SDK1: variants seen among roughly 807,000 people sequenced by gnomAD.
SDK1 encodes sidekick cell adhesion molecule 1, also known as protein sidekick-1.
A neutral mutation model predicts 245.5 loss-of-function variants in SDK1; 157 were observed. The observed-to-expected ratio is 0.64, with a 90% CI of 0.56 to 0.73. The LOEUF is 0.73. Ranked by LOEUF, SDK1 falls within the 30% of genes least tolerant of loss-of-function variation. SDK1 has a pLI of 0.00. For missense variants in SDK1, 3,583 were observed against 3,002.3 expected (o/e 1.19, Z -4.52); for synonymous variants, 1,647 against 1,278.5 (o/e 1.29, Z -6.15).
chr7:3,733,153 G>GGAT (rs1779227654), intron 4 of SDK1, among the ~76,000 whole-genome samples: 1 of 152,132 alleles, frequency 6.6e-6, no homozygotes, highest in Non-Finnish European at 1.5e-5. Flanking sequence ...AGGTAACTAT[G>GGAT]GATGGCTCCC....
intron 14 of SDK1, among the ~76,000 whole-genome samples, chr7:3,994,596 C>T (rs529206853): frequency 8.7e-5 from 13 of 149,368 alleles, no homozygotes; most frequent in South Asian, 8.5e-4. Flanking sequence ...GAGCCGCGAT[C>T]GCACCAAGGC....
intron 1 of SDK1, among the ~76,000 whole-genome samples, chr7:3,589,355 C>T (rs966315363): frequency 5.3e-5 from 8 of 152,200 alleles, no homozygotes; most frequent in African/African-American, 9.6e-5. Context: ...GACATCAGTA[C>T]TTATTTCACA....
At chr7:3,319,678 T>C (rs1779745605) in intron 1 of SDK1, among the ~76,000 whole-genome samples, 1 of 152,156 alleles carries the variant, frequency 6.6e-6, no homozygotes, top group South Asian at 2.1e-4. Context: ...TGTCTAGTGA[T>C]GGCCTGCATG....
At chr7:3,983,739 G>T (rs973113588) in intron 13 of SDK1, among the ~76,000 whole-genome samples, 1 of 152,106 alleles carries the variant, frequency 6.6e-6, no homozygotes, top group African/African-American at 2.4e-5. Flanking sequence ...ATTATCAAGG[G>T]GATTTTCACA....
At chr7:3,566,083 T>C (rs1381516079) in intron 1 of SDK1, among the ~76,000 whole-genome samples, 1 of 152,138 alleles carries the variant, frequency 6.6e-6, no homozygotes, top group African/African-American at 2.4e-5. Context: ...AAAATGCTAA[T>C]AAAAGACCAA....
At chr7:3,386,971 C>G (rs1172680436) in intron 1 of SDK1, among the ~76,000 whole-genome samples, 4 of 152,160 alleles carry the variant, frequency 2.6e-5, no homozygotes, top group African/African-American at 9.7e-5. Context: ...TTCAGGCATT[C>G]TAACTTTAGA....
rs987840425 is a variant in SDK1, at chr7:4,042,786, C to A, written c.2603-6562C>A. The stretch of plus-strand genomic sequence containing the variant: ...GTTATGTAACCCTCAATAATTAAGA[C>A]CTTTCCAGCCATAACCACTCTTTTA... On this transcript the variant is annotated intron_variant, in intron 17 of 44. Coordinates refer to ENST00000404826, the MANE Select transcript of SDK1 (RefSeq NM_152744.4). Among the ~76,000 whole-genome samples, 4 of 152,204 alleles carry A rather than the reference C, an allele frequency of 2.6e-5. No individual in the cohort carries two copies. The South Asian group carries it at 6.2e-4, about 24-fold the overall frequency.
chr7:3,362,991 A>G (rs540121187), intron 1 of SDK1, among the ~76,000 whole-genome samples: 22 of 152,262 alleles, frequency 1.4e-4, no homozygotes, highest in Non-Finnish European at 3.2e-4. Flanking sequence ...TGCCCCCTTC[A>G]TCAGTTTCCC....
In SDK1 at chr7:4,180,350, A is replaced by G. The variant is rs368588530; in HGVS notation, c.5098+1764A>G. Among the ~76,000 whole-genome samples the G allele has an allele frequency of 5.7e-3, 625 of 108,744 alleles. 12 individuals carry two copies. The highest frequency in any genetic ancestry group is 0.022 in the African/African-American group (554 of 25,108). The allele number at this position is 108,744 out of a possible 152,430, so 71.3% of individuals were successfully genotyped here. On this transcript the variant is annotated intron_variant, in intron 35 of 44. Coordinates refer to ENST00000404826, the MANE Select transcript of SDK1 (RefSeq NM_152744.4). ...GCCCGGCTCCAGCTCTATGCCCAGC[A>G]CCCGGCTCCAGCTCTATGCCCAGCG...
rs748223398 is a variant in SDK1 at position 3,619,259 on chromosome 7, A to G, written c.458+20A>G. The G allele has an allele frequency of 3.8e-6, 6 of 1,588,788 alleles. No individual in the cohort carries two copies. The highest frequency in any genetic ancestry group is 5.2e-6 in the Non-Finnish European group (6 of 1,158,756). On this transcript the variant is annotated intron_variant, in intron 2 of 44. Transcript: ENST00000404826. ...ATATAAGTAATTGATCGCTTGAAAA[A>G]ATAAGATCCCATTTCAGTTGATGTG...
At chr7:3,454,029 C>T (rs1369766929) in intron 1 of SDK1, among the ~76,000 whole-genome samples, 1 of 152,082 alleles carries the variant, frequency 6.6e-6, no homozygotes, top group Non-Finnish European at 1.5e-5. Context: ...GATTTTTAAA[C>T]ATTGAGAACT....
At chr7:3,748,069 A>G (rs1005708902) in intron 4 of SDK1, among the ~76,000 whole-genome samples, 6 of 152,220 alleles carry the variant, frequency 3.9e-5, no homozygotes, top group Admixed American at 1.3e-4. Context: ...AGTATGTATC[A>G]TGATCATTAT....
At chr7:3,544,779 T>G (rs1779164811) in intron 1 of SDK1, among the ~76,000 whole-genome samples, 1 of 152,176 alleles carries the variant, frequency 6.6e-6, no homozygotes, top group Non-Finnish European at 1.5e-5. Flanking sequence ...TCTCAGTGGC[T>G]TAAAGCAAGT....
At chr7:3,365,673 A>G (rs1395952090) in intron 1 of SDK1, among the ~76,000 whole-genome samples, 1 of 152,200 alleles carries the variant, frequency 6.6e-6, no homozygotes, top group East Asian at 1.9e-4. Flanking sequence ...TTTGAAGGGC[A>G]TAGTCCTTTC....
chr7:3,682,704 C>G (rs1425103128), intron 4 of SDK1, among the ~76,000 whole-genome samples: 1 of 144,670 alleles, frequency 6.9e-6, no homozygotes, highest in African/African-American at 2.6e-5. Flanking sequence ...GATCTCAAAT[C>G]AAGCGTTTGG....
chr7:3,366,762 A>T (rs1781103435), intron 1 of SDK1, among the ~76,000 whole-genome samples: 1 of 151,702 alleles, frequency 6.6e-6, no homozygotes, highest in African/African-American at 2.4e-5. Context: ...ATTTATTTTG[A>T]GACAGAGTCT....
At chr7:4,184,890 T>G (rs534952863) in intron 35 of SDK1, among the ~76,000 whole-genome samples, 11 of 152,324 alleles carry the variant, frequency 7.2e-5, no homozygotes, top group Admixed American at 2.0e-4. Context: ...TGGATCCACT[T>G]TCCTCCTAGT....
intron 1 of SDK1, among the ~76,000 whole-genome samples, chr7:3,450,610 G>A (rs1161067899): frequency 6.6e-6 from 1 of 152,200 alleles, no homozygotes; most frequent in Non-Finnish European, 1.5e-5. Context: ...TGGGAAGCTA[G>A]TGAGTTCTGT....
intron 4 of SDK1, among the ~76,000 whole-genome samples, chr7:3,673,772 G>C (rs1043137562): frequency 6.6e-6 from 1 of 152,122 alleles, no homozygotes; most frequent in African/African-American, 2.4e-5. Flanking sequence ...TTATGTGGCA[G>C]GCAAAAGTTT....
Sources: allele counts gnomAD v4.1 joint callset (sites outside exome capture counted in the v4.1 genomes callset), GRCh38; gene constraint gnomAD v4.1.1; transcripts MANE v1.5; gene names NCBI Gene and HGNC (gene_info 2026-07-23, HGNC 2026-07-21).